The following JCAD variants were observed in gnomAD, a reference collection of about 807,000 sequenced individuals.
JCAD encodes junctional cadherin 5-associated protein.
Under a neutral mutation model 98.0 loss-of-function variants are expected in JCAD, and 40 were observed. That is an observed-to-expected ratio of 0.41 (90% CI 0.32 to 0.53). JCAD has a LOEUF of 0.53. Ranked by LOEUF, JCAD falls within the 20% of genes least tolerant of loss-of-function variation. The probability of loss-of-function intolerance (pLI) is 0.31; values close to 1 mark genes in which losing one functional copy is unlikely to be tolerated. For missense variants in JCAD, 1,705 were observed against 1,738.1 expected (o/e 0.98, Z 0.34); for synonymous variants, 691 against 682.3 (o/e 1.01, Z -0.20).
chr10:30,071,630 TC>T (rs574637894), intron 1 of JCAD, among the ~76,000 whole-genome samples: 12 of 151,952 alleles, frequency 7.9e-5, no homozygotes, highest in African/African-American at 2.9e-4. Context: ...CATGGTGAAA[TC>T]CTGTCTCTAC....
chr10:30,062,084 G>A (rs147651271), upstream of JCAD, among the ~76,000 whole-genome samples: 667 of 152,294 alleles, frequency 4.4e-3, 6 homozygotes, highest in South Asian at 0.046. Context: ...AACAGAGTAG[G>A]GTTGCAGTAA....
intron 1 of JCAD, among the ~76,000 whole-genome samples, chr10:30,100,562 G>T (rs998535067): frequency 1.3e-5 from 2 of 152,034 alleles, no homozygotes; most frequent in Non-Finnish European, 2.9e-5. Context: ...TTTGGTATTT[G>T]TAGTACCGAT....
At chr10:30,091,714 ATTTTT>A (rs11307523) in intron 1 of JCAD, among the ~76,000 whole-genome samples, 1 of 81,752 alleles carries the variant, frequency 1.2e-5, no homozygotes, top group Non-Finnish European at 2.2e-5. Context: ...AAGTTTTTAA[ATTTTT>A]TTTTTTTTTT....
intron 2 of JCAD, among the ~76,000 whole-genome samples, chr10:30,042,353 C>T (rs1420040131): frequency 6.6e-6 from 1 of 152,078 alleles, no homozygotes; most frequent in Non-Finnish European, 1.5e-5. Flanking sequence ...CTCCCTTGTC[C>T]AGCCCCTCCC....
intron 1 of JCAD, among the ~76,000 whole-genome samples, chr10:30,050,314 C>CAAAAAAAAAAAAAAAA (rs61421356): frequency 7.2e-5 from 3 of 41,728 alleles, no homozygotes; most frequent in Non-Finnish European, 1.1e-4. Flanking sequence ...GACCCTGTCT[C>CAAAAAAAAAAAAAAAA]AAAAAAAAAA....
intron 1 of JCAD, among the ~76,000 whole-genome samples, chr10:30,080,070 C>T (rs982801503): frequency 6.6e-6 from 1 of 152,120 alleles, no homozygotes; most frequent in Non-Finnish European, 1.5e-5. Context: ...TTAGATATTT[C>T]CTAGAAGAAG....
At chr10:30,109,160 C>A (rs16931064) in intron 1 of JCAD, among the ~76,000 whole-genome samples, 3,979 of 152,176 alleles carry the variant, frequency 0.026, 149 homozygotes, top group African/African-American at 0.086. Flanking sequence ...GCCATTCTGT[C>A]CACTTCTCAA....
At chr10:30,080,277 A>G (rs537918581) in intron 1 of JCAD, among the ~76,000 whole-genome samples, 3 of 152,234 alleles carry the variant, frequency 2.0e-5, no homozygotes, top group African/African-American at 7.2e-5. Context: ...CCTCCTTCCC[A>G]TCTTCAAACA....
chr10:30,027,848 G>A lies in JCAD; in HGVS notation c.2300C>T (p.Thr767Ile). 6.2e-7 allele frequency: 1 copy of A among 1,614,270 alleles called. No individual in the cohort carries two copies. The highest frequency in any genetic ancestry group is 8.5e-7 in the Non-Finnish European group (1 of 1,180,048). ...SPSSNSAFSR[T>I]SLSVDQAPTP... Reference sequence around the variant, plus strand: ...CGGTGCCTGGTCCACGGACAAGGAAGTCCTTGAGAACGCACTGTTGCTGGA... The same window carrying A: ...CGGTGCCTGGTCCACGGACAAGGAAATCCTTGAGAACGCACTGTTGCTGGA... The change falls in exon 3 of 4, where the codon ACT becomes ATT. Residue 767 changes from threonine (T) to isoleucine (I), a missense_variant. Physicochemically the swap from Thr to Ile is moderately conservative, Grantham distance 89 (BLOSUM62 -1). Transcript: ENST00000375377.
chr10:30,024,088 C>A (rs924259617), intron 3 of JCAD, among the ~76,000 whole-genome samples: 5 of 152,124 alleles, frequency 3.3e-5, no homozygotes, highest in African/African-American at 1.2e-4. Context: ...TCGCTTGAGC[C>A]TAGGAGTTCA....
At chr10:30,084,784 T>TCTAC (rs1491463479) in intron 1 of JCAD, among the ~76,000 whole-genome samples, 20 of 87,234 alleles carry the variant, frequency 2.3e-4, no homozygotes, top group African/African-American at 9.7e-4. Flanking sequence ...CAAATCTGTA[T>TCTAC]CTATCTATCT....
chr10:30,025,844 A>AT (rs1461532511), intron 3 of JCAD, among the ~76,000 whole-genome samples: 5 of 152,190 alleles, frequency 3.3e-5, no homozygotes, highest in Non-Finnish European at 7.3e-5. Context: ...GTGAGCAGAG[A>AT]TTGCACAACT....
intron 3 of JCAD, 74 bp from the exon 4 acceptor site, chr10:30,017,991 C>A: frequency 2.6e-6 from 3 of 1,168,458 alleles, no homozygotes; most frequent in Non-Finnish European, 3.7e-6. Context: ...CCTTAGACCA[C>A]GAATTTGTCT....
chr10:30,016,323 G>A lies in JCAD; in HGVS notation c.*1560C>T, dbSNP rs1177254272. On this transcript the variant is annotated 3_prime_UTR_variant, in exon 4 of 4. Transcript: ENST00000375377. ...TGAAAGAGAAGGGGAAAAAATAAAA[G>A]GGAAAAGGAGGACAGGGTGAAGGAA... 1 of 141,224 alleles carries A rather than the reference G, an allele frequency of 7.1e-6. No homozygotes were observed. The highest frequency in any genetic ancestry group is 1.5e-5 in the Non-Finnish European group (1 of 66,050). 8.7% of individuals were successfully genotyped at this position (141,224 alleles called of 1,614,324 possible). A position where few individuals can be genotyped will look rare whatever the true frequency, so the allele number is the denominator to read the frequency against.
At chr10:30,059,888 A>G (rs1837669176), upstream of JCAD, among the ~76,000 whole-genome samples, 1 of 152,156 alleles carries the variant, frequency 6.6e-6, no homozygotes, top group African/African-American at 2.4e-5. This position sits in a 1 kb window ranked among gnomAD's most constrained non-coding sequence, Gnocchi z 5.0. Context: ...ACACACTCAT[A>G]TACACCCACA....
At chr10:30,024,109 G>A (rs992559819) in intron 3 of JCAD, among the ~76,000 whole-genome samples, 1 of 152,134 alleles carries the variant, frequency 6.6e-6, no homozygotes, top group African/African-American at 2.4e-5. Context: ...AGGCTACAGG[G>A]AGCTATGATC....
At chr10:30,113,577 AGCCTCCCAGCAGAGAAGAAGGAAGCAC>A (rs1838743615) in intron 1 of JCAD, among the ~76,000 whole-genome samples, 1 of 148,600 alleles carries the variant, frequency 6.7e-6, no homozygotes, top group Non-Finnish European at 1.5e-5. Flanking sequence ...AAAAAAAAAA[AGCCTCCCAGCAGAGAAGAAGGAAGCAC>A]AAAACAGACA....
intron 2 of JCAD, among the ~76,000 whole-genome samples, chr10:30,038,185 T>C (rs979119494): frequency 1.3e-5 from 2 of 152,178 alleles, no homozygotes; most frequent in Admixed American, 1.3e-4. Context: ...GCCCCACCCC[T>C]GGGACTGGGT....
At chr10:30,051,280 GCACGCACACA>G (rs2132648316) in intron 1 of JCAD, among the ~76,000 whole-genome samples, 1 of 78,962 alleles carries the variant, frequency 1.3e-5, no homozygotes, top group South Asian at 4.3e-4. Context: ...ACGCACACAC[GCACGCACACA>G]CACACACACA....
Sources: allele counts gnomAD v4.1 joint callset (sites outside exome capture counted in the v4.1 genomes callset), GRCh38; gene constraint gnomAD v4.1.1; non-coding constraint Gnocchi (gnomAD v3.1); transcripts MANE v1.5; gene names NCBI Gene and HGNC (gene_info 2026-07-23, HGNC 2026-07-21).